SALL4: variants seen among roughly 807,000 people sequenced by gnomAD.
SALL4 encodes the protein sal-like protein 4.
SALL4 carries 4 observed loss-of-function variants against 60.8 expected under a neutral mutation model. That is an observed-to-expected ratio of 0.07 (90% CI 0.03 to 0.15). The LOEUF is 0.15. Ranked by LOEUF, SALL4 falls within the 10% of genes least tolerant of loss-of-function variation. The pLI is 1.00. For synonymous variants in SALL4, 580 were observed against 574.9 expected (o/e 1.01, Z -0.13); for missense variants, 1,178 against 1,394.7 (o/e 0.84, Z 2.48).
At position 51,790,488 on chromosome 20, in the gene SALL4, A is replaced by C; in HGVS notation, c.1995T>G (p.Phe665Leu). 1 of 1,614,158 alleles carries C rather than the reference A, an allele frequency of 6.2e-7. No homozygotes were observed. The highest frequency in any genetic ancestry group is 8.5e-7 in the Non-Finnish European group (1 of 1,180,046). The change falls in exon 2 of 4, where the codon TTT (phenylalanine) becomes TTG (leucine). Residue 665 changes from phenylalanine to leucine, a missense_variant. Physicochemically the swap from Phe to Leu is conservative, Grantham distance 22. This residue lies in a region of SALL4 where 853 missense variants were observed against 1,036.8 expected (regional missense o/e 0.82). Coordinates refer to ENST00000217086, the MANE Select transcript of SALL4 (RefSeq NM_020436.5). The surrounding 1 kb of genome is among the most constrained non-coding windows in gnomAD (Gnocchi z 5.5). ...NTPLPENPCD[F>L]TGSEPMTVGE... ...CCACGGTCATTGGCTCAGAACCCGTAAAGTCACAGGGATTCTCTGGCAGGG... is the reference window on the plus strand; with the variant it reads ...CCACGGTCATTGGCTCAGAACCCGTCAAGTCACAGGGATTCTCTGGCAGGG...
Position 51,802,272 on chromosome 20 carries a change from C to G in SALL4, c.130+7G>C. 1 of 1,600,002 alleles carries G rather than the reference C, an allele frequency of 6.2e-7. No homozygotes were observed. Among genetic ancestry groups the G allele is most frequent in the East Asian group, 2.2e-5 (1 of 44,488 alleles). ...CCTCCCCGGGCGGGCGCCCCAGCCC[C>G]ACTCACCCAGCTCCCCCGCCGCGGG... On this transcript the variant is annotated splice_region_variant and intron_variant, in intron 1 of 3. Coordinates refer to ENST00000217086, the MANE Select transcript of SALL4 (RefSeq NM_020436.5).
chr20:51,797,788 G>C (rs2122976419), intron 1 of SALL4, among the ~76,000 whole-genome samples: 1 of 143,568 alleles, frequency 7.0e-6, no homozygotes, highest in South Asian at 2.2e-4. Flanking sequence ...AACCCAGCAG[G>C]GGTCTTAGAT....
chr20:51,792,402 G>A (rs950207396), intron 1 of SALL4, 50 bp from the exon 2 acceptor site: 1 of 1,593,702 alleles, frequency 6.3e-7, no homozygotes, highest in East Asian at 2.2e-5. Flanking sequence ...AAAAGATGTG[G>A]GGGGAGCCGG....
At position 51,792,321 on chromosome 20, in the gene SALL4, C is replaced by A; in HGVS notation, c.162G>T (p.Glu54Asp). The change falls in exon 2 of 4, where the codon GAG (glutamate) becomes GAT (aspartate). Residue 54 changes from glutamate (E) to aspartate (D), a missense_variant. This residue lies in a region of SALL4 where 108 missense variants were observed against 95.7 expected (regional missense o/e 1.13). Transcript: ENST00000217086. ...CTGTGGCTTCATCCTCACTCGCCAC[C>A]TCGTCATTCCCTGGGTGGTTCACTG... ...GAPVNHPGND[E>D]VASEDEATVK... 1 of 1,606,092 alleles carries A rather than the reference C, an allele frequency of 6.2e-7. No homozygotes were observed. The highest frequency in any genetic ancestry group is 1.1e-5 in the South Asian group (1 of 91,080).
In SALL4 at chr20:51,788,594, G is replaced by A. The variant is rs2078009501; in HGVS notation, c.2742+267C>T. Among the ~76,000 whole-genome samples, 1 of 152,164 alleles carries A rather than the reference G, an allele frequency of 6.6e-6. No homozygotes were observed. The highest frequency in any genetic ancestry group is 2.4e-5 in the African/African-American group (1 of 41,444). On this transcript the variant is annotated intron_variant, in intron 3 of 3. Coordinates refer to ENST00000217086, the MANE Select transcript of SALL4 (RefSeq NM_020436.5). The surrounding 1 kb of genome is among the most constrained non-coding windows in gnomAD (Gnocchi z 4.1). Reference sequence around the variant, plus strand: ...TAGTCCCAGCTACTCAGGAGGCTGAGGCAGGAGAATGGCATGAACCCGGGA... The same window carrying A: ...TAGTCCCAGCTACTCAGGAGGCTGAAGCAGGAGAATGGCATGAACCCGGGA...
At chr20:51,802,174 G>A in intron 1 of SALL4, 105 bp downstream of exon 1, 1 of 1,400,068 alleles carries the variant, frequency 7.1e-7, no homozygotes. Flanking sequence ...CTCGGCTCCT[G>A]AATTTGCGCT....
intron 1 of SALL4, among the ~76,000 whole-genome samples, chr20:51,798,774 T>C (rs1359023533): frequency 1.3e-5 from 2 of 152,024 alleles, no homozygotes; most frequent in African/African-American, 4.8e-5. Context: ...CACGGCTCCC[T>C]TGTCGAAGAT....
Position 51,791,373 on chromosome 20 carries a change from A to G in SALL4, c.1110T>C (p.Asp370=). The G allele has an allele frequency of 6.2e-7, 1 of 1,614,190 alleles. No homozygotes were observed. The change falls in exon 2 of 4, where the codon GAT becomes GAC. Residue 370 remains aspartate (D), a synonymous_variant. Coordinates refer to ENST00000217086, the MANE Select transcript of SALL4 (RefSeq NM_020436.5). The surrounding 1 kb of genome is among the most constrained non-coding windows in gnomAD (Gnocchi z 4.6). ...GGGCCGCCTCGTCTTTGGGTTTGAC[A>G]TCCACCGCGGAGATGTTCGGTGGCT... is the stretch of plus-strand genomic sequence containing the variant. ...KGKPPNISAV[D]VKPKDEAALY... is the part of the protein sequence containing the mutation.
Position 51,785,106 on chromosome 20 carries a change from C to T in SALL4, c.2743-422G>A, listed in dbSNP as rs141767539. On this transcript the variant is annotated intron_variant, in intron 3 of 3. Coordinates refer to ENST00000217086, the MANE Select transcript of SALL4 (RefSeq NM_020436.5). ...TCACTTGAGGTCAGGAGTTCAAGAC[C>T]AGCCCGGCCAACATGATGAAACCCT... is the stretch of plus-strand genomic sequence containing the variant. Among the ~76,000 whole-genome samples, 156 of 152,136 alleles carry T rather than the reference C, an allele frequency of 1.0e-3. 2 individuals are homozygous for T. Among genetic ancestry groups the T allele is most frequent in the African/African-American group, 3.6e-3 (148 of 41,514 alleles).
Position 51,790,114 on chromosome 20 carries a change from G to T in SALL4, c.2369C>A (p.Pro790Gln). ...LETTSFQALSPANSQAESIKS... is the reference protein window; with the variant it reads ...LETTSFQALSQANSQAESIKS... ...GATGCTTTCGGCTTGACTATTGGCC[G>T]GGGAGAGTGCCTGGAAGGATGTGGT... Residue 790 changes from proline to glutamine, a missense_variant, in exon 2 of 4, where the codon CCG (proline) becomes CAG (glutamine). By Grantham distance (76) the Pro-to-Gln change is moderately conservative. This residue lies in a region of SALL4 where 853 missense variants were observed against 1,036.8 expected (regional missense o/e 0.82). Coordinates refer to ENST00000217086, the MANE Select transcript of SALL4 (RefSeq NM_020436.5). The surrounding 1 kb of genome is among the most constrained non-coding windows in gnomAD (Gnocchi z 5.5). 1 of 1,614,130 alleles carries T rather than the reference G, an allele frequency of 6.2e-7. No homozygotes were observed. Among genetic ancestry groups the T allele is most frequent in the Non-Finnish European group, 8.5e-7 (1 of 1,180,036 alleles).
intron 1 of SALL4, 58 bp from the exon 2 acceptor site, chr20:51,792,410 C>G (rs1287042066): frequency 6.3e-7 from 1 of 1,585,420 alleles, no homozygotes; most frequent in Non-Finnish European, 8.6e-7. Flanking sequence ...TGGGGGGAGC[C>G]GGGCACCGTC....
rs1422956861 is a variant in SALL4 at position 51,788,036 on chromosome 20, C to T, written c.2742+825G>A. ...ACAGGGTCTCCTTATGTTACCCAGG[C>T]TGGTCTCAAACTCCTGGGCTCAAGC... On this transcript the variant is annotated intron_variant, in intron 3 of 3. Coordinates refer to ENST00000217086, the MANE Select transcript of SALL4 (RefSeq NM_020436.5). This position sits in a 1 kb window ranked among gnomAD's most constrained non-coding sequence, Gnocchi z 4.1. Among the ~76,000 whole-genome samples the T allele has an allele frequency of 6.6e-6, 1 of 152,122 alleles. No individual in the cohort carries two copies. The highest frequency in any genetic ancestry group is 1.5e-5 in the Non-Finnish European group (1 of 68,032).
Position 51,784,213 on chromosome 20 carries a change from G to T in SALL4, c.*52C>A. 1 of 1,596,966 alleles carries T rather than the reference G, an allele frequency of 6.3e-7. No individual in the cohort carries two copies. The highest frequency in any genetic ancestry group is 8.6e-7 in the Non-Finnish European group (1 of 1,166,642). ...AGATGAGTTCTTACAAAACAAAGCA[G>T]ATTCTAGAGATTTCACTGTGTCTGC... On this transcript the variant is annotated 3_prime_UTR_variant, in exon 4 of 4. Transcript: ENST00000217086.
At position 51,791,718 on chromosome 20, in the gene SALL4, G is replaced by A; in HGVS notation, c.765C>T (p.Asp255=). Reference sequence around the variant, plus strand: ...TGTGGCTGCCCAAGGTCTTCAGAGTGTCGGCCCCTGCCCCGCTTGAGTGGA... The same window carrying A: ...TGTGGCTGCCCAAGGTCTTCAGAGTATCGGCCCCTGCCCCGCTTGAGTGGA... ...HALHSSGAGA[D]TLKTLGSHMS... Residue 255 remains aspartate (D), a synonymous_variant, in exon 2 of 4, where the codon GAC becomes GAT. Coordinates refer to ENST00000217086, the MANE Select transcript of SALL4 (RefSeq NM_020436.5). This position sits in a 1 kb window ranked among gnomAD's most constrained non-coding sequence, Gnocchi z 4.6. The A allele has an allele frequency of 3.1e-6, 5 of 1,614,178 alleles. No individual in the cohort carries two copies. Among genetic ancestry groups the A allele is most frequent in the Non-Finnish European group, 4.2e-6 (5 of 1,180,046 alleles).
Position 51,802,290 on chromosome 20 carries a change from G to C in SALL4, c.119C>G (p.Ala40Gly), listed in dbSNP as rs201955525. Reference protein sequence around the residue: ...FADAAPAAPAAGELGAPVNHP... With the variant: ...FADAAPAAPAGGELGAPVNHP... ...CCAGCCCCACTCACCCAGCTCCCCC[G>C]CCGCGGGCGCCGCTGGGGCCGCATC... is the stretch of plus-strand genomic sequence containing the variant. The change falls in exon 1 of 4, where the codon GCG becomes GGG. Residue 40 changes from alanine (A) to glycine (G), a missense_variant. By Grantham distance (60) the Ala-to-Gly change is moderately conservative. Transcript: ENST00000217086. The C allele has an allele frequency of 6.2e-7, 1 of 1,604,830 alleles. No individual in the cohort carries two copies. Among genetic ancestry groups the C allele is most frequent in the South Asian group, 1.1e-5 (1 of 90,286 alleles).
rs1035091663 is a variant in SALL4 at position 51,783,020 on chromosome 20, A to T, written c.*1245T>A. 2 of 152,214 alleles carry T rather than the reference A, an allele frequency of 1.3e-5. No individual in the cohort carries two copies. Among genetic ancestry groups the T allele is most frequent in the African/African-American group, 2.4e-5 (1 of 41,462 alleles). 9.4% of individuals were successfully genotyped at this position (152,214 alleles called of 1,614,324 possible). On this transcript the variant is annotated 3_prime_UTR_variant, in exon 4 of 4. Transcript: ENST00000217086. ...AGCAAGGAAACAAAACAAAACAAAA[A>T]ATCGTCATAATTACTTGGCATAAGT...
At chr20:51,786,941 A>G (rs1351926316) in intron 3 of SALL4, among the ~76,000 whole-genome samples, 2 of 152,118 alleles carry the variant, frequency 1.3e-5, no homozygotes, top group African/African-American at 2.4e-5. Flanking sequence ...CTAAAAATAC[A>G]AACAGTAGCC....
Position 51,801,919 on chromosome 20 carries a change from AG to A in SALL4, c.130+359del, listed in dbSNP as rs11469206. ...GCGAGGGAGGGGGACCTAAGTTACA[AG>A]GGGGGGGGGTAACACCAGTGAGGGG... On this transcript the variant is annotated intron_variant, in intron 1 of 3. Transcript: ENST00000217086. This position sits in a 1 kb window ranked among gnomAD's most constrained non-coding sequence, Gnocchi z 5.2. Among the ~76,000 whole-genome samples, 8,466 of 105,312 alleles carry A rather than the reference AG, an allele frequency of 0.08. 330 individuals carry two copies. Among genetic ancestry groups the A allele is most frequent in the African/African-American group, 0.17 (3,930 of 23,012 alleles). The allele number at this position is 105,312 out of a possible 152,430, so 69.1% of individuals were successfully genotyped here.
Position 51,802,373 on chromosome 20 carries a change from G to C in SALL4, c.36C>G (p.Ile12Met), listed in dbSNP as rs777241507. 2 of 1,611,866 alleles carry C rather than the reference G, an allele frequency of 1.2e-6. No homozygotes were observed. Among genetic ancestry groups the C allele is most frequent in the South Asian group, 2.2e-5 (2 of 91,036 alleles). Residue 12 changes from isoleucine to methionine, a missense_variant, in exon 1 of 4, where the codon ATC becomes ATG. Transcript: ENST00000217086. ...GCTCGCCCTGGTCCTCCTCCGAGTTGATGTGCTGGGGTTTCGCCTGCTTGC... is the reference window on the plus strand; with the variant it reads ...GCTCGCCCTGGTCCTCCTCCGAGTTCATGTGCTGGGGTTTCGCCTGCTTGC... ...SRRKQAKPQHINSEEDQGEQQ... is the reference protein window; with the variant it reads ...SRRKQAKPQHMNSEEDQGEQQ...
Sources: gnomAD v4.1 joint callset for allele counts (sites outside exome capture counted in the v4.1 genomes callset) on GRCh38, gnomAD v4.1.1 for gene constraint, gnomAD v4.1.1 regional missense constraint, Gnocchi (gnomAD v3.1) non-coding constraint, MANE v1.5 for transcripts, NCBI Gene and HGNC (gene_info 2026-07-23, HGNC 2026-07-21) for gene names.